DTWD2: variants seen among roughly 807,000 people sequenced by gnomAD.
DTWD2 encodes tRNA-uridine aminocarboxypropyltransferase 2.
Under a neutral mutation model 31.8 loss-of-function variants are expected in DTWD2, and 39 were observed. The observed-to-expected ratio is 1.22, with a 90% CI of 0.95 to 1.60. DTWD2 has a LOEUF of 1.60. Among genes scored for constraint, DTWD2 ranks in the 40% most tolerant of loss-of-function variants. DTWD2 has a pLI of 0.00. For synonymous variants in DTWD2, 180 were observed against 142.8 expected (o/e 1.26, Z -1.86); for missense variants, 515 against 381.5 (o/e 1.35, Z -2.92).
At chr5:118,917,615 A>G (rs1197367201) in intron 4 of DTWD2, among the ~76,000 whole-genome samples, 2 of 152,210 alleles carry the variant, frequency 1.3e-5, no homozygotes, top group Non-Finnish European at 2.9e-5. Flanking sequence ...GGAAGCAAAC[A>G]TGTCCTTCAC....
intron 4 of DTWD2, among the ~76,000 whole-genome samples, chr5:118,857,046 G>A (rs1294762310): frequency 6.6e-6 from 1 of 151,620 alleles, no homozygotes; most frequent in Non-Finnish European, 1.5e-5. Context: ...CAAAGTGCTG[G>A]GATTACAGGC....
intron 4 of DTWD2, among the ~76,000 whole-genome samples, chr5:118,891,737 A>G (rs143103941): frequency 4.1e-4 from 62 of 152,378 alleles, no homozygotes; most frequent in South Asian, 1.4e-3. Flanking sequence ...ACTGAATGAC[A>G]GCACTAATAT....
Position 118,988,332 on chromosome 5 carries a change from C to T in DTWD2, c.180G>A (p.Val60=), listed in dbSNP as rs774687350. The T allele has an allele frequency of 3.9e-5, 61 of 1,545,416 alleles. No individual in the cohort carries two copies. The African/African-American group carries it at 7.6e-4, about 19-fold the overall frequency. The change falls in exon 1 of 6, where the codon GTG becomes GTA. Residue 60 remains valine, a synonymous_variant. Transcript: ENST00000510708. ...ACTCAGGCCTCCGCTCGGCCGGCTCCACCGGCAGCTCCCACAGCCCGTCCG... is the reference window on the plus strand; with the variant it reads ...ACTCAGGCCTCCGCTCGGCCGGCTCTACCGGCAGCTCCCACAGCCCGTCCG... ...DSADGLWELP[V]EPAERRPECT... is the part of the protein sequence containing the mutation.
At chr5:118,896,704 A>G (rs1753091834) in intron 4 of DTWD2, among the ~76,000 whole-genome samples, 1 of 152,238 alleles carries the variant, frequency 6.6e-6, no homozygotes, top group South Asian at 2.1e-4. Flanking sequence ...TGCTCAGAAT[A>G]AAAATATGAG....
intron 4 of DTWD2, among the ~76,000 whole-genome samples, chr5:118,894,270 T>C (rs1753035172): frequency 6.6e-6 from 1 of 152,194 alleles, no homozygotes; most frequent in South Asian, 2.1e-4. Flanking sequence ...TCTCTATCCA[T>C]CCCCACCTGT....
chr5:118,952,387 A>G (rs1243683314), intron 1 of DTWD2, among the ~76,000 whole-genome samples: 1 of 152,182 alleles, frequency 6.6e-6, no homozygotes, highest in African/African-American at 2.4e-5. Context: ...AAGAGTCAGC[A>G]AAGGGACATA....
At chr5:118,858,239 T>G (rs547831715) in intron 4 of DTWD2, among the ~76,000 whole-genome samples, 1 of 152,320 alleles carries the variant, frequency 6.6e-6, no homozygotes, top group South Asian at 2.1e-4. Flanking sequence ...AATGAGATTT[T>G]CTGTCATTTA....
At chr5:118,866,859 G>T (rs1201152120) in intron 4 of DTWD2, among the ~76,000 whole-genome samples, 1 of 151,976 alleles carries the variant, frequency 6.6e-6, no homozygotes, top group East Asian at 1.9e-4. Flanking sequence ...AGAGGTTGCA[G>T]TGAGCCAAGA....
intron 4 of DTWD2, among the ~76,000 whole-genome samples, chr5:118,870,072 C>T (rs1418417068): frequency 2.6e-5 from 4 of 152,162 alleles, no homozygotes; most frequent in African/African-American, 9.7e-5. Flanking sequence ...TGTAAGCTTC[C>T]TGAAGCTTGC....
At chr5:118,897,891 C>T (rs1753117407) in intron 4 of DTWD2, among the ~76,000 whole-genome samples, 1 of 151,974 alleles carries the variant, frequency 6.6e-6, no homozygotes, top group African/African-American at 2.4e-5. Context: ...TTTTTTGAGA[C>T]AGGGTCTCAC....
At chr5:118,890,038 A>T (rs1752945510) in intron 4 of DTWD2, among the ~76,000 whole-genome samples, 1 of 152,232 alleles carries the variant, frequency 6.6e-6, no homozygotes, top group South Asian at 2.1e-4. Flanking sequence ...TCAATAAATA[A>T]TACTTGGTGA....
intron 4 of DTWD2, among the ~76,000 whole-genome samples, chr5:118,881,507 A>T (rs972749676): frequency 4.6e-5 from 7 of 152,210 alleles, no homozygotes; most frequent in Non-Finnish European, 7.3e-5. Flanking sequence ...CTTTTAATAA[A>T]GAAATGAAAA....
intron 4 of DTWD2, among the ~76,000 whole-genome samples, chr5:118,891,549 T>A (rs1752977807): frequency 6.6e-6 from 1 of 152,112 alleles, no homozygotes; most frequent in South Asian, 2.1e-4. Flanking sequence ...GCAAAACATC[T>A]CTGAATAATG....
intron 4 of DTWD2, among the ~76,000 whole-genome samples, chr5:118,882,975 T>A (rs1752776159): frequency 1.3e-5 from 2 of 152,248 alleles, no homozygotes; most frequent in Admixed American, 1.3e-4. Flanking sequence ...GTTTCCCACC[T>A]CATGGTCAGG....
Position 118,973,882 on chromosome 5 carries a change from T to C in DTWD2, c.218+14412A>G. 3.1e-6 allele frequency: 5 copies of C among 1,609,592 alleles called. No individual in the cohort carries two copies. The Admixed American group carries it at 8.3e-5, about 27-fold the overall frequency. On this transcript the variant is annotated intron_variant, in intron 1 of 5. Coordinates refer to ENST00000510708, the MANE Select transcript of DTWD2 (RefSeq NM_173666.4). ...AGGAAGTTGTGGAAGAGGCAGAAAATGGAAGAGACGCCCCTGCTAACGGGA... is the reference window on the plus strand; with the variant it reads ...AGGAAGTTGTGGAAGAGGCAGAAAACGGAAGAGACGCCCCTGCTAACGGGA...
chr5:118,967,053 A>G (rs1032431338), intron 1 of DTWD2, among the ~76,000 whole-genome samples: 1 of 151,688 alleles, frequency 6.6e-6, no homozygotes, highest in African/African-American at 2.4e-5. Flanking sequence ...GACAATCAGT[A>G]ACTCAAAAAA....
chr5:118,910,320 C>G (rs976751145), intron 4 of DTWD2, among the ~76,000 whole-genome samples: 1 of 152,180 alleles, frequency 6.6e-6, no homozygotes, highest in Non-Finnish European at 1.5e-5. Context: ...AGTAGTACTG[C>G]CTTCCACAAA....
chr5:118,945,700 G>C (rs1754318716), intron 1 of DTWD2, among the ~76,000 whole-genome samples: 1 of 151,558 alleles, frequency 6.6e-6, no homozygotes, highest in Admixed American at 6.6e-5. Context: ...AGGAGATGGA[G>C]GTTGCAGTGA....
At chr5:118,882,396 C>G (rs1349054591) in intron 4 of DTWD2, among the ~76,000 whole-genome samples, 1 of 152,204 alleles carries the variant, frequency 6.6e-6, no homozygotes, top group Non-Finnish European at 1.5e-5. Context: ...ATGGTGCAAG[C>G]TGTCAGTGGA....
Sources: allele counts gnomAD v4.1 joint callset (sites outside exome capture counted in the v4.1 genomes callset), GRCh38; gene constraint gnomAD v4.1.1; transcripts MANE v1.5; gene names NCBI Gene and HGNC (gene_info 2026-07-23, HGNC 2026-07-21).